Variants in PFKFB3 observed in about 807,000 individuals in gnomAD.
PFKFB3 encodes the protein 6-phosphofructo-2-kinase/fructose-2,6-bisphosphatase 3.
A neutral mutation model predicts 68.0 loss-of-function variants in PFKFB3; 33 were observed. The ratio of observed to expected loss-of-function variants is 0.49; its 90% CI spans 0.37 to 0.65. The LOEUF (loss-of-function observed/expected upper bound fraction) is 0.65, where lower values mean the gene tolerates loss of function less well. PFKFB3 is among the 30% of genes least tolerant of loss of function. PFKFB3 has a pLI of 0.00. For synonymous variants in PFKFB3, 315 were observed against 288.2 expected (o/e 1.09, Z -0.94); for missense variants, 586 against 712.2 (o/e 0.82, Z 2.02).
the PFKFB3 span, chr10:6,277,769 C>T: frequency 2.3e-6 from 1 of 428,700 alleles, no homozygotes. Flanking sequence ...AACTATGAGC[C>T]AATGAAACCT....
At chr10:6,224,782 A>G (rs1401021707) in intron 13 of PFKFB3, among the ~76,000 whole-genome samples, 1 of 152,136 alleles carries the variant, frequency 6.6e-6, no homozygotes, top group Non-Finnish European at 1.5e-5. Flanking sequence ...CGTTGTGCCC[A>G]GCGTCTCTTC....
chr10:6,278,656 C>T, the PFKFB3 span, among the ~76,000 whole-genome samples: 1 of 152,186 alleles, frequency 6.6e-6, no homozygotes, highest in Non-Finnish European at 1.5e-5. Flanking sequence ...AATAAAATAG[C>T]CATCTGCATA....
At chr10:6,265,197 C>T in the PFKFB3 span, among the ~76,000 whole-genome samples, 1 of 151,450 alleles carries the variant, frequency 6.6e-6, no homozygotes, top group African/African-American at 2.4e-5. Flanking sequence ...TCTCCTGCCT[C>T]AGCCTCCCGA....
intron 8 of PFKFB3, 44 bp from the exon 9 acceptor site, chr10:6,221,336 GC>G: frequency 6.2e-7 from 1 of 1,608,610 alleles, no homozygotes; most frequent in Non-Finnish European, 8.5e-7. Context: ...TCTTGGAGGA[GC>G]TGCGGGCATC....
At chr10:6,254,110 T>C (rs2132084629) in intron 14 of PFKFB3, 1 of 386,420 alleles carries the variant, frequency 2.6e-6, no homozygotes, top group Non-Finnish European at 4.6e-6. Flanking sequence ...TTTTTTTTTT[T>C]TTTTTCTCTT....
chr10:6,216,600 G>A lies in PFKFB3; in HGVS notation c.367-106G>A, dbSNP rs1844604538. On this transcript the variant is annotated intron_variant, in intron 4 of 14. Coordinates refer to ENST00000379775, the MANE Select transcript of PFKFB3 (RefSeq NM_004566.4). ...GCACAAGCTCCCCTGAAGCACTTTT[G>A]GGGCTTATTCCTGGAGATGATGGGT... 9 of 828,370 alleles carry A rather than the reference G, an allele frequency of 1.1e-5. No individual in the cohort carries two copies. In the Admixed American group the frequency reaches 1.6e-4, roughly 15 times the overall value. 51.3% of individuals were successfully genotyped at this position (828,370 alleles called of 1,614,324 possible).
the PFKFB3 span, among the ~76,000 whole-genome samples, chr10:6,270,910 G>T: frequency 6.6e-6 from 1 of 152,186 alleles, no homozygotes; most frequent in Admixed American, 6.5e-5. Flanking sequence ...GGGATAGTAA[G>T]CACCCACTAA....
intron 1 of PFKFB3, among the ~76,000 whole-genome samples, chr10:6,203,841 ATG>A: frequency 6.6e-6 from 1 of 151,864 alleles, no homozygotes; most frequent in Non-Finnish European, 1.5e-5. Context: ...TTCGATATAT[ATG>A]TCTCTGTTTT....
At chr10:6,223,663 C>T (rs927914696) in intron 11 of PFKFB3, among the ~76,000 whole-genome samples, 6 of 152,170 alleles carry the variant, frequency 3.9e-5, no homozygotes, top group African/African-American at 7.2e-5. Context: ...GCTCTTCTTG[C>T]GCAGGCTGCA....
chr10:6,177,390 T>TTCTTTCTTTCTTTCTTTCTTTC, intron 1 of PFKFB3, among the ~76,000 whole-genome samples: 1 of 63,720 alleles, frequency 1.6e-5, no homozygotes, highest in South Asian at 7.9e-4. Flanking sequence ...CTTTCTTTCT[T>TTCTTTCTTTCTTTCTTTCTTTC]TCTTTCTTTC....
chr10:6,247,571 C>T (rs1419279353), intron 14 of PFKFB3, among the ~76,000 whole-genome samples: 1 of 152,212 alleles, frequency 6.6e-6, no homozygotes, highest in Non-Finnish European at 1.5e-5. Flanking sequence ...GCTCCCCTCT[C>T]CCCGCCAGCC....
intron 2 of PFKFB3, among the ~76,000 whole-genome samples, chr10:6,214,296 C>G (rs1414502435): frequency 1.3e-5 from 2 of 152,144 alleles, no homozygotes; most frequent in Non-Finnish European, 2.9e-5. Flanking sequence ...AGGTTGTGTG[C>G]TCCTTATGAT....
chr10:6,224,811 C>T (rs927065407), intron 13 of PFKFB3, among the ~76,000 whole-genome samples: 9 of 152,116 alleles, frequency 5.9e-5, no homozygotes, highest in African/African-American at 2.2e-4. Context: ...ATCAGCATGG[C>T]ACAGTTCTTG....
intron 1 of PFKFB3, among the ~76,000 whole-genome samples, chr10:6,186,654 G>A (rs964236157): frequency 2.0e-5 from 3 of 152,026 alleles, no homozygotes; most frequent in African/African-American, 4.8e-5. Flanking sequence ...ATCTTTTCTC[G>A]CTCTTAAACA....
intron 1 of PFKFB3, among the ~76,000 whole-genome samples, chr10:6,191,517 G>C (rs1001165929): frequency 7.2e-5 from 11 of 152,228 alleles, no homozygotes; most frequent in African/African-American, 2.7e-4. Flanking sequence ...TGAGGTGCAG[G>C]ACAGTGCATT....
intron 2 of PFKFB3, among the ~76,000 whole-genome samples, 174 bp downstream of exon 2, chr10:6,213,922 C>T (rs1358760580): frequency 1.3e-5 from 2 of 152,126 alleles, no homozygotes; most frequent in African/African-American, 4.8e-5. Context: ...CACCCTTTTT[C>T]TTCTGTTGGG....
At chr10:6,287,371 C>T in the PFKFB3 span, among the ~76,000 whole-genome samples, 178 of 151,860 alleles carry the variant, frequency 1.2e-3, no homozygotes, top group African/African-American at 3.9e-3. Context: ...ATTACAGGCA[C>T]GAGCCACTGA....
the PFKFB3 span, among the ~76,000 whole-genome samples, chr10:6,292,237 A>G: frequency 2.1e-5 from 3 of 142,776 alleles, no homozygotes; most frequent in East Asian, 2.1e-4. Flanking sequence ...TACAAGTGTG[A>G]GCCACAGCAC....
chr10:6,214,761 A>T (rs1289273984), intron 2 of PFKFB3, among the ~76,000 whole-genome samples: 2 of 152,180 alleles, frequency 1.3e-5, no homozygotes, highest in African/African-American at 4.8e-5. Context: ...CATGGGACAC[A>T]TGTCTCCGGC....
Sources: allele counts gnomAD v4.1 joint callset (sites outside exome capture counted in the v4.1 genomes callset), GRCh38; gene constraint gnomAD v4.1.1; transcripts MANE v1.5; gene names NCBI Gene and HGNC (gene_info 2026-07-23, HGNC 2026-07-21).